The following TANC2 variants were observed in gnomAD, a reference collection of about 807,000 sequenced individuals.
TANC2 encodes protein TANC2.
Under a neutral mutation model 210.5 loss-of-function variants are expected in TANC2, and 26 were observed. The observed-to-expected ratio is 0.12, with a 90% CI of 0.09 to 0.17. The LOEUF is 0.17. TANC2 is among the 10% of genes least tolerant of loss of function. The probability of loss-of-function intolerance (pLI) is 1.00; values close to 1 mark genes in which losing one functional copy is unlikely to be tolerated. For missense variants in TANC2, 2,129 were observed against 2,608.9 expected, an observed-to-expected ratio of 0.82 and a Z score of 4.01; for synonymous variants, 931 against 967.1, an observed-to-expected ratio of 0.96 and a Z score of 0.69.
intron 2 of TANC2, among the ~76,000 whole-genome samples, chr17:63,020,678 A>G (rs1453962199): frequency 6.6e-6 from 1 of 152,198 alleles, no homozygotes; most frequent in Admixed American, 6.5e-5. Context: ...CTGTAAATAC[A>G]AGGTGTTGTT....
At chr17:63,297,935 T>TTAGAC (rs912966032) in intron 9 of TANC2, among the ~76,000 whole-genome samples, 1 of 152,044 alleles carries the variant, frequency 6.6e-6, no homozygotes, top group African/African-American at 2.4e-5. Flanking sequence ...GATGTACAGA[T>TTAGAC]GTCTAGCTTA....
Position 62,986,036 on chromosome 17 carries a change from T to TCTTG in TANC2, c.-24+19288_-24+19291dup, listed in dbSNP as rs756205637. 7.2e-5 allele frequency among the ~76,000 whole-genome samples: 11 copies of TCTTG among 152,188 alleles called. No individual in the cohort carries two copies. In the East Asian group the frequency reaches 2.1e-3, roughly 29 times the overall value. ...GGAAAGACTTATTCATATGAATGGGTCTTGGCATGACGGTTAGGTGGGGCA... is the reference window on the plus strand; with the variant it reads ...GGAAAGACTTATTCATATGAATGGGTCTTGCTTGGCATGACGGTTAGGTGGGGCA... On this transcript the variant is annotated intron_variant, in intron 1 of 27. Transcript: ENST00000689528.
At chr17:63,145,706 T>C (rs1317699324) in intron 4 of TANC2, among the ~76,000 whole-genome samples, 1 of 152,172 alleles carries the variant, frequency 6.6e-6, no homozygotes, top group African/African-American at 2.4e-5. Context: ...TCAAAAATTA[T>C]TGATGATACG....
chr17:63,031,256 T>C (rs2034759388), intron 2 of TANC2, among the ~76,000 whole-genome samples: 1 of 152,168 alleles, frequency 6.6e-6, no homozygotes, highest in Non-Finnish European at 1.5e-5. Flanking sequence ...ATCTTTTTTG[T>C]ACCTGAAAGA....
At chr17:63,185,448 G>A (rs1385328553) in intron 5 of TANC2, among the ~76,000 whole-genome samples, 1 of 152,142 alleles carries the variant, frequency 6.6e-6, no homozygotes, top group Non-Finnish European at 1.5e-5. Context: ...CATTTGTTAT[G>A]TGTCTTTTGA....
chr17:62,982,742 T>A (rs1006945620), intron 1 of TANC2, among the ~76,000 whole-genome samples: 1 of 152,220 alleles, frequency 6.6e-6, no homozygotes, highest in African/African-American at 2.4e-5. Flanking sequence ...ATGTATGTTA[T>A]TGGTTTTTTG....
intron 18 of TANC2, 25 bp from the exon 19 acceptor site, chr17:63,398,796 G>A: frequency 6.5e-7 from 1 of 1,528,514 alleles, no homozygotes; most frequent in African/African-American, 1.4e-5. Context: ...CCTGAAGTTT[G>A]AGCTGACACA....
chr17:63,038,947 G>A (rs1296166111), intron 2 of TANC2, among the ~76,000 whole-genome samples: 1 of 152,112 alleles, frequency 6.6e-6, no homozygotes, highest in Admixed American at 6.5e-5. Context: ...TGAAGTTTAT[G>A]TGAAAGGACT....
At chr17:63,191,896 C>G (rs994788409) in intron 5 of TANC2, among the ~76,000 whole-genome samples, 1 of 152,154 alleles carries the variant, frequency 6.6e-6, no homozygotes, top group Non-Finnish European at 1.5e-5. Flanking sequence ...TCTACTGTTT[C>G]TACTTTATTC....
rs140358170 is a variant in TANC2 at position 63,000,531 on chromosome 17, A to G, written c.-23-9006A>G. 5.7e-4 allele frequency among the ~76,000 whole-genome samples: 87 copies of G among 152,236 alleles called. 1 individual carries two copies. The East Asian group carries it at 0.016, about 28-fold the overall frequency. ...ATTAAGAAGTCATTACTTCTCCTGAATGGTTTAGAATGAGTGTCACAAACA... is the reference window on the plus strand; with the variant it reads ...ATTAAGAAGTCATTACTTCTCCTGAGTGGTTTAGAATGAGTGTCACAAACA... On this transcript the variant is annotated intron_variant, in intron 1 of 27. Transcript: ENST00000689528.
chr17:63,088,437 G>C (rs2037056660), intron 3 of TANC2: 1 of 152,114 alleles, frequency 6.6e-6, no homozygotes, highest in Non-Finnish European at 1.5e-5. Flanking sequence ...GTCTAAACAT[G>C]TTCAGTAATA....
intron 5 of TANC2, among the ~76,000 whole-genome samples, chr17:63,164,826 C>T (rs2040155855): frequency 1.3e-5 from 2 of 152,206 alleles, no homozygotes; most frequent in African/African-American, 4.8e-5. Flanking sequence ...AGACCCTCAG[C>T]AGATTGGACA....
chr17:63,371,979 C>G (rs1052783884), intron 14 of TANC2, among the ~76,000 whole-genome samples: 5 of 152,138 alleles, frequency 3.3e-5, no homozygotes, highest in Non-Finnish European at 5.9e-5. Flanking sequence ...AGAATTTGCT[C>G]TCTGCTATCC....
At position 63,209,326 on chromosome 17, in the gene TANC2, T is replaced by C. The variant is rs535700371; in HGVS notation, c.769+8369T>C. Among the ~76,000 whole-genome samples the C allele has an allele frequency of 1.3e-3, 201 of 152,206 alleles. 2 individuals are homozygous for C. The highest frequency in any genetic ancestry group is 4.5e-3 in the African/African-American group (188 of 41,546). On this transcript the variant is annotated intron_variant, in intron 7 of 27. Transcript: ENST00000689528. Reference sequence around the variant, plus strand: ...CTGCACCCGGCCACACTTTTTTTTTTTCCTTGTTGTACCAGCTAATTCTCT... The same window carrying C: ...CTGCACCCGGCCACACTTTTTTTTTCTCCTTGTTGTACCAGCTAATTCTCT...
chr17:62,988,295 C>CTTTTTT (rs59386058), intron 1 of TANC2, among the ~76,000 whole-genome samples: 1 of 111,734 alleles, frequency 8.9e-6, no homozygotes, highest in Non-Finnish European at 1.7e-5. Flanking sequence ...ACCTGGCTAA[C>CTTTTTT]TTTTTTTTTT....
At chr17:63,028,757 G>A (rs1395851238) in intron 2 of TANC2, among the ~76,000 whole-genome samples, 2 of 152,020 alleles carry the variant, frequency 1.3e-5, no homozygotes, top group Non-Finnish European at 2.9e-5. Flanking sequence ...TTTTGGGGTA[G>A]CATATTCTGC....
intron 17 of TANC2, chr17:63,389,876 A>G (rs755844204): frequency 8.8e-5 from 29 of 328,866 alleles, no homozygotes; most frequent in Non-Finnish European, 1.3e-4. Context: ...TGAGGAAGCC[A>G]GGAGACTGCA....
At chr17:63,310,115 G>A (rs2045068795) in intron 9 of TANC2, among the ~76,000 whole-genome samples, 1 of 152,150 alleles carries the variant, frequency 6.6e-6, no homozygotes, top group Non-Finnish European at 1.5e-5. Context: ...AGACTGACAA[G>A]TTTGGCGACA....
At chr17:63,020,237 T>C (rs1015562002) in intron 2 of TANC2, among the ~76,000 whole-genome samples, 1 of 152,194 alleles carries the variant, frequency 6.6e-6, no homozygotes, top group African/African-American at 2.4e-5. Flanking sequence ...GTATTTTTAA[T>C]CCTCTTAACA....
Sources: allele counts gnomAD v4.1 joint callset (sites outside exome capture counted in the v4.1 genomes callset), GRCh38; gene constraint gnomAD v4.1.1; transcripts MANE v1.5; gene names NCBI Gene and HGNC (gene_info 2026-07-23, HGNC 2026-07-21).